KAZN: variants seen among roughly 807,000 people sequenced by gnomAD.
KAZN encodes kazrin, periplakin interacting protein.
Under a neutral mutation model 87.4 loss-of-function variants are expected in KAZN, and 40 were observed. That is an observed-to-expected ratio of 0.46 (90% confidence interval 0.36 to 0.60). KAZN has a LOEUF of 0.60. Ranked by LOEUF, KAZN falls within the 20% of genes least tolerant of loss-of-function variation. The probability of loss-of-function intolerance (pLI) is 0.00; values close to 1 mark genes in which losing one functional copy is unlikely to be tolerated. For synonymous variants in KAZN, 466 were observed against 458.3 expected (o/e 1.02, Z -0.22); for missense variants, 898 against 1,073.9 (o/e 0.84, Z 2.29).
intron 2 of KAZN, among the ~76,000 whole-genome samples, chr1:14,326,786 T>A (rs1553158344): frequency 6.6e-6 from 1 of 152,118 alleles, no homozygotes. Flanking sequence ...TCTGCACAGC[T>A]CCCTTCTTCG....
At chr1:15,031,212 G>C (rs1349993533) in intron 2 of KAZN, among the ~76,000 whole-genome samples, 1 of 152,218 alleles carries the variant, frequency 6.6e-6, no homozygotes, top group Non-Finnish European at 1.5e-5. Context: ...GTCGACTTTG[G>C]GGTCAGACAT....
At chr1:14,439,412 G>T (rs950383564) in intron 2 of KAZN, among the ~76,000 whole-genome samples, 3 of 152,132 alleles carry the variant, frequency 2.0e-5, no homozygotes, top group African/African-American at 7.2e-5. Context: ...AGAGTTAGGA[G>T]TTTTTACCTA....
At chr1:14,825,826 C>T (rs933531932) in intron 1 of KAZN, among the ~76,000 whole-genome samples, 1 of 152,218 alleles carries the variant, frequency 6.6e-6, no homozygotes, top group Non-Finnish European at 1.5e-5. Flanking sequence ...CACTGCAAGG[C>T]CTCTGAGACC....
intron 1 of KAZN, among the ~76,000 whole-genome samples, chr1:13,958,700 C>G (rs1447937334): frequency 6.6e-6 from 1 of 152,030 alleles, no homozygotes; most frequent in Non-Finnish European, 1.5e-5. Context: ...ATCATCCAGC[C>G]TGGGAGAACT....
At chr1:14,278,437 C>A (rs1340798302) in intron 2 of KAZN, among the ~76,000 whole-genome samples, 1 of 151,510 alleles carries the variant, frequency 6.6e-6, no homozygotes, top group East Asian at 2.0e-4. Flanking sequence ...TTACAGGTAC[C>A]CGCCACCATG....
intron 1 of KAZN, among the ~76,000 whole-genome samples, chr1:13,959,223 T>C (rs1641662584): frequency 6.6e-6 from 1 of 152,214 alleles, no homozygotes. Context: ...GAAACACTTC[T>C]GTGAGTCAGA....
intron 2 of KAZN, among the ~76,000 whole-genome samples, chr1:14,977,170 C>G (rs547946073): frequency 6.6e-6 from 1 of 152,344 alleles, no homozygotes; most frequent in East Asian, 1.9e-4. Flanking sequence ...TGTGCTTTCC[C>G]CCTTTGGGCT....
At chr1:14,881,421 C>T (rs1442991522) in intron 1 of KAZN, among the ~76,000 whole-genome samples, 1 of 152,218 alleles carries the variant, frequency 6.6e-6, no homozygotes, top group African/African-American at 2.4e-5. Flanking sequence ...TACTAAGGCA[C>T]AAGAAGGACT....
At chr1:15,032,867 C>T (rs867019754) in intron 2 of KAZN, among the ~76,000 whole-genome samples, 1 of 151,712 alleles carries the variant, frequency 6.6e-6, no homozygotes, top group Admixed American at 6.6e-5. Flanking sequence ...GAGAATCACT[C>T]GAACCCGGGA....
chr1:15,089,373 G>A (rs1214070953), intron 8 of KAZN, among the ~76,000 whole-genome samples: 1 of 149,920 alleles, frequency 6.7e-6, no homozygotes, highest in Non-Finnish European at 1.5e-5. Flanking sequence ...GACCAGGCAA[G>A]AGTCCAGCAG....
intron 8 of KAZN, among the ~76,000 whole-genome samples, chr1:15,086,048 G>T (rs967233787): frequency 1.3e-5 from 2 of 152,082 alleles, no homozygotes; most frequent in African/African-American, 2.4e-5. Context: ...TCGGCTCACT[G>T]CAACCTCTGC....
chr1:14,058,214 T>G (rs562398431), intron 1 of KAZN, among the ~76,000 whole-genome samples: 2 of 152,158 alleles, frequency 1.3e-5, no homozygotes, highest in Non-Finnish European at 2.9e-5. Flanking sequence ...CCCATGGCTC[T>G]AGGGACTCCC....
intron 2 of KAZN, among the ~76,000 whole-genome samples, chr1:14,207,118 C>G (rs1646763326): frequency 6.6e-6 from 1 of 152,046 alleles, no homozygotes; most frequent in African/African-American, 2.4e-5. Context: ...CACGTGGCAT[C>G]ATACCCAGCT....
chr1:14,477,095 C>T (rs74940003), intron 2 of KAZN, among the ~76,000 whole-genome samples: 3,929 of 152,290 alleles, frequency 0.026, 62 homozygotes, highest in Non-Finnish European at 0.032. Flanking sequence ...AATTGTAACT[C>T]CCCACAATTC....
At chr1:14,986,917 C>T (rs996299573) in intron 2 of KAZN, among the ~76,000 whole-genome samples, 5 of 152,100 alleles carry the variant, frequency 3.3e-5, no homozygotes, top group East Asian at 3.9e-4. Flanking sequence ...ATCAAATTCA[C>T]GGTAGCAGGC....
At chr1:14,871,649 A>ATTGTGTGTGT (rs1652144837) in intron 1 of KAZN, among the ~76,000 whole-genome samples, 1 of 144,550 alleles carries the variant, frequency 6.9e-6, no homozygotes, top group Admixed American at 6.9e-5. Context: ...CATGAGCAGC[A>ATTGTGTGTGT]GTGTGTGTGT....
At chr1:14,582,618 G>A (rs1256959874) in intron 2 of KAZN, among the ~76,000 whole-genome samples, 2 of 152,158 alleles carry the variant, frequency 1.3e-5, no homozygotes, top group African/African-American at 2.4e-5. Context: ...GAACCTTCAG[G>A]TGGGGCTCAT....
intron 2 of KAZN, among the ~76,000 whole-genome samples, chr1:14,444,413 A>G (rs893725995): frequency 2.7e-5 from 4 of 149,060 alleles, no homozygotes; most frequent in Non-Finnish European, 4.4e-5. Context: ...CCCAGGTCCA[A>G]CTGATTCTCC....
At chr1:14,575,316 G>A (rs1343255671) in intron 2 of KAZN, among the ~76,000 whole-genome samples, 1 of 152,122 alleles carries the variant, frequency 6.6e-6, no homozygotes, top group African/African-American at 2.4e-5. Context: ...ACAGTTGCAC[G>A]TGGCTGGGGA....
Sources: allele counts gnomAD v4.1 joint callset (sites outside exome capture counted in the v4.1 genomes callset), GRCh38; gene constraint gnomAD v4.1.1; transcripts MANE v1.5; gene names NCBI Gene and HGNC (gene_info 2026-07-23, HGNC 2026-07-21).